FBXW10B: variants seen among roughly 807,000 people sequenced by gnomAD.
FBXW10B encodes the protein F-box and WD repeat domain containing 10B.
At chr17:15,576,045 A>G in the FBXW10B span, among the ~76,000 whole-genome samples, 1 of 152,174 alleles carries the variant, frequency 6.6e-6, no homozygotes, top group Non-Finnish European at 1.5e-5. Flanking sequence ...TGTGTTTCCT[A>G]GTTCGGTTAA....
At chr17:15,596,068 A>T in the FBXW10B span, among the ~76,000 whole-genome samples, 3 of 151,656 alleles carry the variant, frequency 2.0e-5, no homozygotes, top group African/African-American at 7.3e-5. Context: ...TCTTTTTTTT[A>T]GTAGAGACAG....
the FBXW10B span, chr17:15,571,612 G>A: frequency 1.3e-5 from 2 of 152,176 alleles, no homozygotes; most frequent in Non-Finnish European, 2.9e-5. Context: ...GAACAGTTTG[G>A]CAGATTTCAA....
chr17:15,608,811 C>T, the FBXW10B span, among the ~76,000 whole-genome samples: 1 of 152,178 alleles, frequency 6.6e-6, no homozygotes, highest in Non-Finnish European at 1.5e-5. Flanking sequence ...CTTGTAGCTG[C>T]CTTACAAAGT....
the FBXW10B span, chr17:15,569,174 C>A: frequency 1.1e-5 from 8 of 710,018 alleles, no homozygotes; most frequent in Non-Finnish European, 1.6e-5. Context: ...ATTGCTGGAT[C>A]AAATGGTAGT....
the FBXW10B span, among the ~76,000 whole-genome samples, chr17:15,595,708 C>A: frequency 6.6e-6 from 1 of 152,060 alleles, no homozygotes; most frequent in Non-Finnish European, 1.5e-5. Flanking sequence ...GTTCCTGCTG[C>A]AAATCATATA....
At chr17:15,606,579 ATG>A in the FBXW10B span, among the ~76,000 whole-genome samples, 8 of 144,352 alleles carry the variant, frequency 5.5e-5, no homozygotes, top group Non-Finnish European at 1.0e-4. Context: ...CTACATATAT[ATG>A]TGTGTGTGTA....
At chr17:15,577,054 G>A in the FBXW10B span, among the ~76,000 whole-genome samples, 2 of 147,574 alleles carry the variant, frequency 1.4e-5, no homozygotes, top group South Asian at 2.2e-4. Flanking sequence ...TAGCAGACGG[G>A]TACCCAGCCA....
chr17:15,581,266 T>C, the FBXW10B span, among the ~76,000 whole-genome samples: 1 of 152,220 alleles, frequency 6.6e-6, no homozygotes, highest in Admixed American at 6.5e-5. Flanking sequence ...AATTTAGCAC[T>C]AATAATAAAA....
the FBXW10B span, among the ~76,000 whole-genome samples, chr17:15,593,996 C>A: frequency 6.6e-6 from 1 of 152,240 alleles, no homozygotes; most frequent in African/African-American, 2.4e-5. Context: ...TCCCATTCTG[C>A]AGCTACTTTC....
chr17:15,581,443 CA>C, the FBXW10B span, among the ~76,000 whole-genome samples: 1 of 152,118 alleles, frequency 6.6e-6, no homozygotes, highest in Non-Finnish European at 1.5e-5. Flanking sequence ...TTTTAATGAT[CA>C]AAACACTTGT....
At chr17:15,609,141 C>G in the FBXW10B span, among the ~76,000 whole-genome samples, 17 of 146,458 alleles carry the variant, frequency 1.2e-4, no homozygotes, top group South Asian at 4.0e-3. Flanking sequence ...ATTAGACTAG[C>G]AGGAAGAAAA....
At chr17:15,616,242 T>A in the FBXW10B span, among the ~76,000 whole-genome samples, 1 of 152,032 alleles carries the variant, frequency 6.6e-6, no homozygotes, top group African/African-American at 2.4e-5. Context: ...TGGCTCGGTC[T>A]TGGCTCACTG....
the FBXW10B span, among the ~76,000 whole-genome samples, chr17:15,597,301 A>AGGGG: frequency 9.3e-5 from 13 of 139,050 alleles, no homozygotes; most frequent in African/African-American, 2.0e-4. Context: ...TGGGGATGAG[A>AGGGG]GTGGGTGGGT....
At chr17:15,572,825 G>C in the FBXW10B span, 1 of 150,978 alleles carries the variant, frequency 6.6e-6, no homozygotes, top group African/African-American at 2.5e-5. Context: ...GGTGGCACAA[G>C]ATGAAGACAG....
chr17:15,605,084 A>T, the FBXW10B span: 3 of 1,479,394 alleles, frequency 2.0e-6, no homozygotes, highest in East Asian at 4.9e-5. Context: ...CAAAAAAAAA[A>T]TAAGCTGAAG....
the FBXW10B span, chr17:15,565,945 G>C: frequency 3.2e-5 from 51 of 1,595,760 alleles, 1 homozygote; most frequent in Middle Eastern, 5.3e-3. Context: ...AGAGAACCTG[G>C]AGCGGATAAT....
the FBXW10B span, chr17:15,565,524 A>G: frequency 6.2e-6 from 10 of 1,612,128 alleles, no homozygotes; most frequent in Non-Finnish European, 8.5e-6. Flanking sequence ...GTAATTTCCC[A>G]AGGCTGGTTT....
the FBXW10B span, among the ~76,000 whole-genome samples, chr17:15,615,282 T>C: frequency 6.7e-6 from 1 of 149,006 alleles, no homozygotes; most frequent in Non-Finnish European, 1.5e-5. Context: ...CCAGTTCCAC[T>C]GGGTCTTCCC....
chr17:15,612,236 G>T, the FBXW10B span, among the ~76,000 whole-genome samples: 2 of 152,090 alleles, frequency 1.3e-5, no homozygotes, highest in African/African-American at 4.8e-5. Context: ...GGCTGGGCGC[G>T]GTGGCTCACG....
Sources: gnomAD v4.1 joint callset for allele counts (sites outside exome capture counted in the v4.1 genomes callset) on GRCh38, gnomAD v4.1.1 for gene constraint, MANE v1.5 for transcripts, NCBI Gene and HGNC (gene_info 2026-07-23, HGNC 2026-07-21) for gene names.